Variants in FOXR1 observed in about 807,000 individuals in gnomAD.
FOXR1 encodes forkhead box R1, also known as forkhead box protein R1.
Under a neutral mutation model 34.5 loss-of-function variants are expected in FOXR1, and 25 were observed. The ratio of observed to expected loss-of-function variants is 0.72; its 90% confidence interval spans 0.53 to 1.01. The LOEUF (loss-of-function observed/expected upper bound fraction) is 1.01. Among genes scored for constraint, FOXR1 ranks in the 50% least tolerant of loss-of-function variants. The pLI, the probability that FOXR1 is intolerant of heterozygous loss-of-function variation, is 0.00. For synonymous variants in FOXR1, 153 were observed against 141.6 expected (o/e 1.08, Z -0.57); for missense variants, 373 against 376.2 (o/e 0.99, Z 0.07).
At chr11:118,972,075 TC>T in intron 1 of FOXR1, 83 bp downstream of exon 1, 1 of 1,238,854 alleles carries the variant, frequency 8.1e-7, no homozygotes, top group East Asian at 3.3e-5. Flanking sequence ...GGCAGACGGC[TC>T]CCCAGCCTTC....
In FOXR1 at chr11:118,978,824, C is replaced by T. The variant is rs1277799462; in HGVS notation, c.104C>T (p.Pro35Leu). Residue 35 changes from proline to leucine, a missense_variant, in exon 2 of 6, where the codon CCC becomes CTC. Physicochemically the swap from Pro to Leu is moderately conservative, Grantham distance 98. Coordinates refer to ENST00000317011, the MANE Select transcript of FOXR1 (RefSeq NM_181721.3). Reference sequence around the variant, plus strand: ...CGAATTGTTAAGCCACCAAAATTACCCCTAGAGAAAAAACCCAACCCTGAT... The same window carrying T: ...CGAATTGTTAAGCCACCAAAATTACTCCTAGAGAAAAAACCCAACCCTGAT... ...KLRIVKPPKL[P>L]LEKKPNPDKD... is the part of the protein sequence containing the mutation. The T allele has an allele frequency of 1.2e-6, 2 of 1,614,144 alleles. No individual in the cohort carries two copies. Among genetic ancestry groups the T allele is most frequent in the Admixed American group, 1.7e-5 (1 of 60,004 alleles).
At chr11:118,974,023 T>C (rs752388470) in intron 1 of FOXR1, among the ~76,000 whole-genome samples, 2 of 152,092 alleles carry the variant, frequency 1.3e-5, no homozygotes, top group Non-Finnish European at 1.5e-5. Context: ...AATAAGATTG[T>C]GGGGTTGAAC....
chr11:118,978,920 C>CA (rs782021089), intron 2 of FOXR1, 37 bp from the exon 3 acceptor site: 2 of 1,613,858 alleles, frequency 1.2e-6, no homozygotes. Context: ...CACCCAAAGC[C>CA]AGTGGGCTGT....
Position 118,979,667 on chromosome 11 carries a change from C to CGGTATGTG in FOXR1, c.611_611+7dup, listed in dbSNP as rs782372977. The CGGTATGTG allele has an allele frequency of 6.3e-7, 1 of 1,589,640 alleles. No individual in the cohort carries two copies. Among genetic ancestry groups the CGGTATGTG allele is most frequent in the Non-Finnish European group, 8.6e-7 (1 of 1,167,456 alleles). On this transcript the variant is annotated frameshift_variant and splice_region_variant, in exon 4 of 6. Transcript: ENST00000317011. LOFTEE classifies it high-confidence loss of function. ...CGTGCAACAGATCTACAGTTTCACT[C>CGGTATGTG]GGTATGTGCCGGGGGCCCTGCGAGG...
intron 3 of FOXR1, 68 bp from the exon 4 acceptor site, chr11:118,979,374 T>C (rs1052236886): frequency 1.6e-5 from 24 of 1,489,916 alleles, no homozygotes; most frequent in Non-Finnish European, 2.2e-5. Flanking sequence ...CCACCCCCCC[T>C]TCCTGCCACT....
At chr11:118,973,778 C>T (rs538037673) in intron 1 of FOXR1, among the ~76,000 whole-genome samples, 6 of 151,112 alleles carry the variant, frequency 4.0e-5, no homozygotes, top group African/African-American at 1.5e-4. Context: ...ACTGCACCCT[C>T]TGCCACCCAG....
At chr11:118,975,007 G>C (rs1206448872) in intron 1 of FOXR1, among the ~76,000 whole-genome samples, 2 of 152,154 alleles carry the variant, frequency 1.3e-5, no homozygotes, top group East Asian at 3.8e-4. Flanking sequence ...TGGAGTTCTG[G>C]AGAGAAGTGG....
At chr11:118,979,695 G>A in intron 4 of FOXR1, 27 bp downstream of exon 4, 9 of 1,546,482 alleles carry the variant, frequency 5.8e-6, no homozygotes, top group Non-Finnish European at 7.9e-6. Context: ...CTGCGAGGAG[G>A]GGGAAGTGGG....
chr11:118,980,867 C>G, intron 5 of FOXR1, 139 bp downstream of exon 5: 1 of 870,492 alleles, frequency 1.1e-6, no homozygotes. Context: ...TAACAGTGAT[C>G]TGAGACCCTC....
chr11:118,972,226 T>A (rs1941718824), intron 1 of FOXR1, among the ~76,000 whole-genome samples: 1 of 151,252 alleles, frequency 6.6e-6, no homozygotes, highest in Non-Finnish European at 1.5e-5. Context: ...GGTTCGCGCC[T>A]GACTCAATTG....
At chr11:118,979,338 G>A in intron 3 of FOXR1, 104 bp from the exon 4 acceptor site, 2 of 1,490,224 alleles carry the variant, frequency 1.3e-6, no homozygotes, top group East Asian at 4.6e-5. Flanking sequence ...CTTGGGTTGG[G>A]GAGAAGCCCA....
chr11:118,980,592 G>T lies in FOXR1; in HGVS notation c.714G>T (p.Met238Ile). 6.2e-7 allele frequency: 1 copy of T among 1,614,272 alleles called. No homozygotes were observed. Among genetic ancestry groups the T allele is most frequent in the Non-Finnish European group, 8.5e-7 (1 of 1,180,054 alleles). Residue 238 changes from methionine to isoleucine, a missense_variant, in exon 5 of 6, where the codon ATG becomes ATT. By Grantham distance (10) the Met-to-Ile change is conservative. Transcript: ENST00000317011. ...RDSFEKVPVS[M>I]QGGASTRPRS... ...GCTTTGAGAAAGTGCCTGTCAGCAT[G>T]CAGGGCGGGGCCAGCACACGGCCTC...
chr11:118,978,762 T>A lies in FOXR1; in HGVS notation c.62-20T>A. On this transcript the variant is annotated intron_variant, in intron 1 of 5. Coordinates refer to ENST00000317011, the MANE Select transcript of FOXR1 (RefSeq NM_181721.3). ...GATATTCTAGGATGTTTTGACTCTCTCTGTCTTTCTTTTTGCCAGTTGCCA... is the reference window on the plus strand; with the variant it reads ...GATATTCTAGGATGTTTTGACTCTCACTGTCTTTCTTTTTGCCAGTTGCCA... The A allele has an allele frequency of 1.2e-6, 2 of 1,613,624 alleles. No individual in the cohort carries two copies. Among genetic ancestry groups the A allele is most frequent in the Non-Finnish European group, 1.7e-6 (2 of 1,179,552 alleles).
In FOXR1 at chr11:118,973,639, G is replaced by A. The variant is rs117146374; in HGVS notation, c.61+1647G>A. Among the ~76,000 whole-genome samples the A allele has an allele frequency of 6.6e-3, 992 of 151,322 alleles. 6 individuals carry two copies. The highest frequency in any genetic ancestry group is 0.012 in the Non-Finnish European group (804 of 67,870). On this transcript the variant is annotated intron_variant, in intron 1 of 5. Coordinates refer to ENST00000317011, the MANE Select transcript of FOXR1 (RefSeq NM_181721.3). ...AGTCTTCAATTCCTGACCATGATCC[G>A]CCGTCTCAGCCTCCCAAAGTGCTAG...
chr11:118,979,919 A>G (rs1941833135), intron 4 of FOXR1, among the ~76,000 whole-genome samples: 1 of 151,968 alleles, frequency 6.6e-6, no homozygotes, highest in Admixed American at 6.6e-5. Context: ...CCTTTAAAAC[A>G]TACATTCACT....
rs782549701 is a variant in FOXR1, at chr11:118,978,753, T to C, written c.62-29T>C. On this transcript the variant is annotated intron_variant, in intron 1 of 5. Coordinates refer to ENST00000317011, the MANE Select transcript of FOXR1 (RefSeq NM_181721.3). ...TCACAAAGGGATATTCTAGGATGTTTTGACTCTCTCTGTCTTTCTTTTTGC... is the reference window on the plus strand; with the variant it reads ...TCACAAAGGGATATTCTAGGATGTTCTGACTCTCTCTGTCTTTCTTTTTGC... 18 of 1,612,636 alleles carry C rather than the reference T, an allele frequency of 1.1e-5. No individual in the cohort carries two copies. The South Asian group carries it at 1.9e-4, about 17-fold the overall frequency.
At chr11:118,979,392 G>T in intron 3 of FOXR1, 50 bp from the exon 4 acceptor site, 1 of 1,514,290 alleles carries the variant, frequency 6.6e-7, no homozygotes, top group South Asian at 1.3e-5. Context: ...ACTGCACCCT[G>T]GAGTAGAGGC....
At chr11:118,974,325 C>T (rs930287581) in intron 1 of FOXR1, among the ~76,000 whole-genome samples, 3 of 152,318 alleles carry the variant, frequency 2.0e-5, no homozygotes, top group Middle Eastern at 3.4e-3. Context: ...CCACCTCAGT[C>T]CCCAAAGTAG....
chr11:118,978,205 G>A (rs905575358), intron 1 of FOXR1, among the ~76,000 whole-genome samples: 1 of 148,594 alleles, frequency 6.7e-6, no homozygotes, highest in Non-Finnish European at 1.5e-5. Flanking sequence ...GCGACAGAGC[G>A]AGACTCCATC....
Sources: gnomAD v4.1 joint callset for allele counts (sites outside exome capture counted in the v4.1 genomes callset) on GRCh38, gnomAD v4.1.1 for gene constraint, MANE v1.5 for transcripts, NCBI Gene and HGNC (gene_info 2026-07-23, HGNC 2026-07-21) for gene names.